Variants in SMCO3 observed in about 807,000 individuals in gnomAD.
SMCO3 encodes the protein single-pass membrane and coiled-coil domain-containing protein 3.
A neutral mutation model predicts 12.0 loss-of-function variants in SMCO3; 6 were observed. That is an observed-to-expected ratio of 0.50 (90% CI 0.27 to 0.99). The LOEUF is 0.99. SMCO3 is among the 50% of genes least tolerant of loss of function. The pLI is 0.11. For missense variants in SMCO3, 279 were observed against 265.0 expected (o/e 1.05, Z -0.37); for synonymous variants, 96 against 96.4 (o/e 1.00, Z 0.02).
At position 14,812,399 on chromosome 12, in the gene SMCO3, G is replaced by C. The variant is rs1247216172; in HGVS notation, c.-17+1727C>G. Among the ~76,000 whole-genome samples the C allele has an allele frequency of 1.1e-3, 165 of 152,174 alleles. 1 individual carries two copies. Among genetic ancestry groups the C allele is most frequent in the Non-Finnish European group, 8.8e-5 (6 of 68,006 alleles). On this transcript the variant is annotated intron_variant, in intron 1 of 1. Coordinates refer to ENST00000316048, the MANE Select transcript of SMCO3 (RefSeq NM_001013698.2). ...GCAGAGCTTGCAGTGAGCCGAGATT[G>C]TGCCACTGCACGCCGGCCTGGGTGA...
At position 14,804,663 on chromosome 12, in the gene SMCO3, A is replaced by C. The variant is rs1256837239; in HGVS notation, c.*1340T>G. On this transcript the variant is annotated 3_prime_UTR_variant, in exon 2 of 2. Coordinates refer to ENST00000316048, the MANE Select transcript of SMCO3 (RefSeq NM_001013698.2). ...TAATCTTGAACTGCGAAGGTGAGCTAAGTTGTAATGTTTTGCAACTAGTTT... is the reference window on the plus strand; with the variant it reads ...TAATCTTGAACTGCGAAGGTGAGCTCAGTTGTAATGTTTTGCAACTAGTTT... The C allele has an allele frequency of 1.3e-5, 2 of 152,246 alleles. No homozygotes were observed. The highest frequency in any genetic ancestry group is 2.9e-5 in the Non-Finnish European group (2 of 68,046). The allele number at this position is 152,246 out of a possible 1,614,324, so 9.4% of individuals were successfully genotyped here.
In SMCO3 at chr12:14,806,462, A is replaced by T; in HGVS notation, c.219T>A (p.Ile73=). The T allele has an allele frequency of 6.2e-7, 1 of 1,614,088 alleles. No individual in the cohort carries two copies. Among genetic ancestry groups the T allele is most frequent in the Non-Finnish European group, 8.5e-7 (1 of 1,180,014 alleles). ...TCTGCAATTCCTTTTGGATTTTCAT[A>T]ATGGCTTGGATGATGAGGTCACAGT... The part of the protein sequence containing the change: ...KENCDLIIQA[I]MKIQKELQKV... Residue 73 remains isoleucine, a synonymous_variant, in exon 2 of 2, where the codon ATT becomes ATA. Coordinates refer to ENST00000316048, the MANE Select transcript of SMCO3 (RefSeq NM_001013698.2).
intron 1 of SMCO3, among the ~76,000 whole-genome samples, chr12:14,807,886 C>A (rs769095894): frequency 6.6e-6 from 1 of 152,048 alleles, no homozygotes; most frequent in Non-Finnish European, 1.5e-5. Flanking sequence ...GAATAAGGGG[C>A]CGGGCATGGT....
chr12:14,810,384 T>C (rs1950117844), intron 1 of SMCO3, among the ~76,000 whole-genome samples: 1 of 152,182 alleles, frequency 6.6e-6, no homozygotes, highest in Non-Finnish European at 1.5e-5. Context: ...TTGAAGAGCT[T>C]AGCGAAGAAG....
rs1341216597 is a variant in SMCO3 at position 14,806,294 on chromosome 12, A to G, written c.387T>C (p.Ser129=). The G allele has an allele frequency of 6.2e-7, 1 of 1,614,140 alleles. No individual in the cohort carries two copies. Among genetic ancestry groups the G allele is most frequent in the Non-Finnish European group, 8.5e-7 (1 of 1,180,052 alleles). ...VILGEATSAA[S]AVAVKLVGSN... is the part of the protein sequence containing the mutation. ...AGCCCACAAGTTTAACAGCGACTGC[A>G]CTGGCTGCAGATGTAGCTTCTCCCA... The change falls in exon 2 of 2, where the codon AGT becomes AGC. Residue 129 remains serine, a synonymous_variant. Transcript: ENST00000316048.
At chr12:14,812,443 CA>C (rs1260022264) in intron 1 of SMCO3, among the ~76,000 whole-genome samples, 138 of 138,664 alleles carry the variant, frequency 1.0e-3, no homozygotes, top group Middle Eastern at 3.6e-3. Flanking sequence ...GACTCCGTCT[CA>C]AAAAAAAAAA....
chr12:14,809,534 A>G (rs1261478593), intron 1 of SMCO3, among the ~76,000 whole-genome samples: 1 of 152,230 alleles, frequency 6.6e-6, no homozygotes, highest in African/African-American at 2.4e-5. Context: ...AGAATCTCAA[A>G]TCAATAATAA....
Position 14,806,415 on chromosome 12 carries a change from T to C in SMCO3, c.266A>G (p.Asp89Gly). 2 of 1,614,232 alleles carry C rather than the reference T, an allele frequency of 1.2e-6. No individual in the cohort carries two copies. Among genetic ancestry groups the C allele is most frequent in the Non-Finnish European group, 1.7e-6 (2 of 1,180,046 alleles). The change falls in exon 2 of 2, where the codon GAT becomes GGT. Residue 89 changes from aspartate to glycine, a missense_variant. Transcript: ENST00000316048. ...ELQKVDEALK[D>G]KLEPTLYRKL... ...TCTATAGAGGGTTGGCTCTAGCTTA[T>C]CTTTTAGTGCTTCATCAACCTTCTG... is the stretch of plus-strand genomic sequence containing the variant.
chr12:14,809,801 A>C (rs1205460813), intron 1 of SMCO3, among the ~76,000 whole-genome samples: 1 of 152,230 alleles, frequency 6.6e-6, no homozygotes, highest in Non-Finnish European at 1.5e-5. Flanking sequence ...ATGCAAAAAA[A>C]GTATTGTTAT....
rs576597535 is a variant in SMCO3 at position 14,805,875 on chromosome 12, C to G, written c.*128G>C. On this transcript the variant is annotated 3_prime_UTR_variant, in exon 2 of 2. Transcript: ENST00000316048. ...TCTAGTCTTGGCATCTCCAGTTTCC[C>G]TCTCCAAATTGTTTATCTTATTTAA... 5 of 946,758 alleles carry G rather than the reference C, an allele frequency of 5.3e-6. No homozygotes were observed. The East Asian group carries it at 1.0e-4, about 19-fold the overall frequency. The allele number at this position is 946,758 out of a possible 1,614,324, so 58.6% of individuals were successfully genotyped here.
chr12:14,810,590 A>G (rs144517774), intron 1 of SMCO3, among the ~76,000 whole-genome samples: 1 of 152,226 alleles, frequency 6.6e-6, no homozygotes, highest in Admixed American at 6.5e-5. Flanking sequence ...ATGTCGTACA[A>G]AATTAAAGGT....
Position 14,805,782 on chromosome 12 carries a change from A to T in SMCO3, c.*221T>A, listed in dbSNP as rs190602195. The stretch of plus-strand genomic sequence containing the variant: ...GGGTGTGAAAACATCCAGGGAGAAA[A>T]TTTTTTTACCTCACAGGGTCTAGCA... On this transcript the variant is annotated 3_prime_UTR_variant, in exon 2 of 2. Coordinates refer to ENST00000316048, the MANE Select transcript of SMCO3 (RefSeq NM_001013698.2). 647 of 525,484 alleles carry T rather than the reference A, an allele frequency of 1.2e-3. No individual in the cohort carries two copies. Among genetic ancestry groups the T allele is most frequent in the Non-Finnish European group, 1.8e-3 (549 of 304,154 alleles). 32.6% of individuals were successfully genotyped at this position (525,484 alleles called of 1,614,324 possible).
At position 14,812,428 on chromosome 12, in the gene SMCO3, A is replaced by G. The variant is rs914489691; in HGVS notation, c.-17+1698T>C. ...CACTGCACGCCGGCCTGGGTGACAG[A>G]GGGAGACTCCGTCTCAAAAAAAAAA... On this transcript the variant is annotated intron_variant, in intron 1 of 1. Coordinates refer to ENST00000316048, the MANE Select transcript of SMCO3 (RefSeq NM_001013698.2). Among the ~76,000 whole-genome samples the G allele has an allele frequency of 7.2e-5, 11 of 152,118 alleles. No individual in the cohort carries two copies. In the East Asian group the frequency reaches 1.9e-3, roughly 27 times the overall value.
chr12:14,809,008 T>C (rs1320678204), intron 1 of SMCO3, among the ~76,000 whole-genome samples: 3 of 152,260 alleles, frequency 2.0e-5, no homozygotes, highest in African/African-American at 7.2e-5. Flanking sequence ...TTTGTCTTTT[T>C]TGACTCCCGG....
chr12:14,809,766 A>C (rs1482910751), intron 1 of SMCO3, among the ~76,000 whole-genome samples: 1 of 152,214 alleles, frequency 6.6e-6, no homozygotes, highest in African/African-American at 2.4e-5. Context: ...CCAATGTAAA[A>C]AGAACTGAAA....
chr12:14,812,875 G>A (rs1205519140), intron 1 of SMCO3, among the ~76,000 whole-genome samples: 1 of 152,096 alleles, frequency 6.6e-6, no homozygotes, highest in Non-Finnish European at 1.5e-5. Context: ...CATAGTGCTG[G>A]TATATTTCCC....
chr12:14,812,751 A>C (rs1476217336), intron 1 of SMCO3, among the ~76,000 whole-genome samples: 2 of 151,976 alleles, frequency 1.3e-5, no homozygotes, highest in African/African-American at 4.8e-5. Flanking sequence ...TCCTGCTATA[A>C]AATTTTTACA....
At chr12:14,812,952 A>G (rs1160754807) in intron 1 of SMCO3, among the ~76,000 whole-genome samples, 1 of 152,180 alleles carries the variant, frequency 6.6e-6, no homozygotes, top group African/African-American at 2.4e-5. Flanking sequence ...CAAAAAGAGA[A>G]GTTCTTGCCT....
chr12:14,805,957 T>C lies in SMCO3; in HGVS notation c.*46A>G, dbSNP rs1950041228. 3 of 1,529,090 alleles carry C rather than the reference T, an allele frequency of 2.0e-6. No individual in the cohort carries two copies. The highest frequency in any genetic ancestry group is 2.6e-6 in the Non-Finnish European group (3 of 1,132,218). 94.7% of individuals were successfully genotyped at this position (1,529,090 alleles called of 1,614,324 possible). On this transcript the variant is annotated 3_prime_UTR_variant, in exon 2 of 2. Coordinates refer to ENST00000316048, the MANE Select transcript of SMCO3 (RefSeq NM_001013698.2). ...TAATCAAAGAAGCAAACACTGTTACTGAAAAGGAAGCAGAAAAACACTTCA... is the reference window on the plus strand; with the variant it reads ...TAATCAAAGAAGCAAACACTGTTACCGAAAAGGAAGCAGAAAAACACTTCA...
Sources: gnomAD v4.1 joint callset for allele counts (sites outside exome capture counted in the v4.1 genomes callset) on GRCh38, gnomAD v4.1.1 for gene constraint, MANE v1.5 for transcripts, NCBI Gene and HGNC (gene_info 2026-07-23, HGNC 2026-07-21) for gene names.